DACH2: variants seen among roughly 807,000 people sequenced by gnomAD.
DACH2 encodes the protein dachshund family transcription factor 2.
Under a neutral mutation model 35.8 loss-of-function variants are expected in DACH2, and 17 were observed. That is an observed-to-expected ratio of 0.48 (90% CI 0.33 to 0.71). The LOEUF is 0.71. DACH2 is among the 30% of genes least tolerant of loss of function. DACH2 has a pLI of 0.02. For missense variants in DACH2, 469 were observed against 472.7 expected (o/e 0.99, Z 0.07); for synonymous variants, 195 against 177.3 (o/e 1.10, Z -0.79).
intron 1 of DACH2, among the ~76,000 whole-genome samples, chrX:86,199,407 C>T (rs1026365376): frequency 9.0e-6 from 1 of 111,357 alleles, no homozygotes; most frequent in African/African-American, 3.3e-5. Context: ...ATTGGAAGTA[C>T]TGGCCAGAGC....
intron 7 of DACH2, among the ~76,000 whole-genome samples, chrX:86,783,467 C>T (rs753779821): frequency 6.3e-5 from 7 of 111,868 alleles, no homozygotes; most frequent in African/African-American, 2.3e-4. Flanking sequence ...TGCACTCCTA[C>T]GTTTTTTGCA....
In DACH2 at chrX:86,330,271, T is replaced by G. The variant is rs372564710; in HGVS notation, c.489-46553T>G. ...CTTTTGTATGAGAATGTGGATGGCTTACATCAAAAATCTTGATTAACTTAG... is the reference window on the plus strand; with the variant it reads ...CTTTTGTATGAGAATGTGGATGGCTGACATCAAAAATCTTGATTAACTTAG... On this transcript the variant is annotated intron_variant, in intron 1 of 11. Coordinates refer to ENST00000373125, the MANE Select transcript of DACH2 (RefSeq NM_053281.3). Among the ~76,000 whole-genome samples, 35 of 112,465 alleles carry G rather than the reference T, an allele frequency of 3.1e-4. No homozygotes were observed. The East Asian group carries it at 3.9e-3, about 13-fold the overall frequency.
chrX:86,724,591 T>G (rs939208428), intron 6 of DACH2, among the ~76,000 whole-genome samples: 1 of 111,927 alleles, frequency 8.9e-6, no homozygotes, highest in African/African-American at 3.2e-5. Flanking sequence ...TATAGACGAC[T>G]AGATGTTTTT....
intron 1 of DACH2, among the ~76,000 whole-genome samples, chrX:86,358,734 A>C (rs2035685730): frequency 9.0e-6 from 1 of 111,339 alleles, no homozygotes; most frequent in Non-Finnish European, 1.9e-5. Flanking sequence ...GTAAAAGAAA[A>C]AAAAAATTCT....
intron 6 of DACH2, among the ~76,000 whole-genome samples, chrX:86,722,999 G>A (rs371019757): frequency 8.9e-4 from 99 of 111,413 alleles, no homozygotes; most frequent in Non-Finnish European, 1.6e-3. Flanking sequence ...ATTCAATCCC[G>A]CTACTCATTA....
rs180804350 is a variant in DACH2 at position 86,445,796 on chromosome X, A to T, written c.528-68483A>T. Among the ~76,000 whole-genome samples the T allele has an allele frequency of 5.5e-4, 61 of 110,811 alleles. No homozygotes were observed. The East Asian group carries it at 0.017, about 31-fold the overall frequency. On this transcript the variant is annotated intron_variant, in intron 2 of 11. Transcript: ENST00000373125. ...GCATAATATATGATCTATCCTAGGG[A>T]ATGTTCCATATGCAGTTGAGAAGGT... is the stretch of plus-strand genomic sequence containing the variant.
intron 3 of DACH2, among the ~76,000 whole-genome samples, chrX:86,626,480 G>A (rs752192469): frequency 8.9e-6 from 1 of 112,813 alleles, no homozygotes; most frequent in African/African-American, 3.2e-5. Context: ...TCTCTGCTCA[G>A]TGTTCCACTG....
chrX:86,593,428 A>G (rs748914487), intron 3 of DACH2, among the ~76,000 whole-genome samples: 93 of 103,701 alleles, frequency 9.0e-4, no homozygotes, highest in Middle Eastern at 4.9e-3. Context: ...ATTTTATTTT[A>G]TTTTATTTTA....
At chrX:86,438,677 T>C (rs1003966287) in intron 2 of DACH2, among the ~76,000 whole-genome samples, 2 of 112,471 alleles carry the variant, frequency 1.8e-5, no homozygotes, top group African/African-American at 6.5e-5. Context: ...GCATGTGTCT[T>C]TATGATACAA....
intron 2 of DACH2, among the ~76,000 whole-genome samples, chrX:86,379,617 T>G (rs2036017584): frequency 9.0e-6 from 1 of 110,917 alleles, no homozygotes; most frequent in African/African-American, 3.3e-5. Flanking sequence ...TTTTCACTTC[T>G]GATGAGAAAG....
At chrX:86,408,707 C>T (rs775664968) in intron 2 of DACH2, among the ~76,000 whole-genome samples, 35 of 111,348 alleles carry the variant, frequency 3.1e-4, no homozygotes, top group Middle Eastern at 4.7e-3. Context: ...CTCTCTTTCT[C>T]GGATATGCAC....
intron 7 of DACH2, among the ~76,000 whole-genome samples, chrX:86,772,928 T>A (rs1263328329): frequency 1.8e-5 from 2 of 111,435 alleles, no homozygotes; most frequent in Non-Finnish European, 3.8e-5. Context: ...AAAGAAAACA[T>A]CCTGTAAGCC....
chrX:86,186,599 G>A (rs1019040344), intron 1 of DACH2, among the ~76,000 whole-genome samples: 2 of 111,563 alleles, frequency 1.8e-5, no homozygotes, highest in African/African-American at 3.3e-5. Context: ...TAAGTAGGAC[G>A]TTTATAAAGA....
chrX:86,673,634 T>A (rs1419460326), intron 4 of DACH2, among the ~76,000 whole-genome samples: 2 of 111,117 alleles, frequency 1.8e-5, no homozygotes. Flanking sequence ...CTTGGGGGAC[T>A]GTTGAGAAGG....
chrX:86,586,480 C>T (rs1236911545), intron 3 of DACH2, among the ~76,000 whole-genome samples: 1 of 111,409 alleles, frequency 9.0e-6, no homozygotes, highest in East Asian at 2.8e-4. Flanking sequence ...CATCATGAAA[C>T]CTTTGCCAGG....
chrX:86,400,030 G>C (rs1336301118), intron 2 of DACH2, among the ~76,000 whole-genome samples: 8 of 111,776 alleles, frequency 7.2e-5, no homozygotes, highest in Admixed American at 1.9e-4. Flanking sequence ...ATCAGATGTA[G>C]ATTTGGTCTT....
chrX:86,173,924 A>T (rs769741123), intron 1 of DACH2, among the ~76,000 whole-genome samples: 2 of 110,975 alleles, frequency 1.8e-5, no homozygotes, highest in South Asian at 7.8e-4. Context: ...AATTGGTCAG[A>T]GTCTGGATAG....
chrX:86,431,141 G>C (rs1335702235), intron 2 of DACH2, among the ~76,000 whole-genome samples: 1 of 111,488 alleles, frequency 9.0e-6, no homozygotes, highest in Non-Finnish European at 1.9e-5. Context: ...TGGGTTTATA[G>C]TTTCTCCAAA....
chrX:86,673,750 A>G (rs1184954471), intron 4 of DACH2, among the ~76,000 whole-genome samples: 1 of 111,679 alleles, frequency 9.0e-6, no homozygotes, highest in Non-Finnish European at 1.9e-5. Flanking sequence ...TTGAGTTGTC[A>G]TTCCCAGTGT....
Sources: allele counts gnomAD v4.1 joint callset (sites outside exome capture counted in the v4.1 genomes callset), GRCh38; gene constraint gnomAD v4.1.1; transcripts MANE v1.5; gene names NCBI Gene and HGNC (gene_info 2026-07-23, HGNC 2026-07-21).